GABRA5: variants seen among roughly 807,000 people sequenced by gnomAD.
GABRA5 encodes the protein gamma-aminobutyric acid type A receptor subunit alpha5, also known as gamma-aminobutyric acid receptor subunit alpha-5.
GABRA5 carries 18 observed loss-of-function variants against 47.3 expected under a neutral mutation model. The ratio of observed to expected loss-of-function variants is 0.38; its 90% CI spans 0.26 to 0.56. The LOEUF (loss-of-function observed/expected upper bound fraction) is 0.56, where lower values mean the gene tolerates loss of function less well. Among genes scored for constraint, GABRA5 ranks in the 20% least tolerant of loss-of-function variants. The probability of loss-of-function intolerance (pLI) is 0.71; values close to 1 mark genes in which losing one functional copy is unlikely to be tolerated. For synonymous variants in GABRA5, 237 were observed against 229.3 expected (o/e 1.03, Z -0.30); for missense variants, 365 against 599.3 (o/e 0.61, Z 4.08).
intron 6 of GABRA5, among the ~76,000 whole-genome samples, chr15:26,893,287 T>A: frequency 4.4e-5 from 2 of 45,326 alleles, no homozygotes; most frequent in Non-Finnish European, 1.0e-4. Context: ...GTATGGCATA[T>A]GGCGTGTGTG....
intron 6 of GABRA5, among the ~76,000 whole-genome samples, chr15:26,903,927 T>G (rs1199876810): frequency 6.6e-6 from 1 of 152,166 alleles, no homozygotes; most frequent in East Asian, 1.9e-4. Flanking sequence ...CTGCCTACTC[T>G]GTTGATAGTT....
chr15:26,897,515 T>C (rs1195130025), intron 6 of GABRA5, among the ~76,000 whole-genome samples: 2 of 152,278 alleles, frequency 1.3e-5, no homozygotes, highest in East Asian at 1.9e-4. Flanking sequence ...TACTTTGTAA[T>C]GGCAGCCCCA....
intron 1 of GABRA5, among the ~76,000 whole-genome samples, chr15:26,868,334 G>C (rs1488458885): frequency 6.6e-6 from 1 of 152,152 alleles, no homozygotes; most frequent in African/African-American, 2.4e-5. Flanking sequence ...TCGCTTCCGA[G>C]GTGGAAGTAC....
chr15:26,916,767 C>A (rs2140296471), intron 7 of GABRA5, among the ~76,000 whole-genome samples: 1 of 152,026 alleles, frequency 6.6e-6, no homozygotes, highest in East Asian at 1.9e-4. Context: ...TTGTAGTTTT[C>A]AGTGTATAGA....
At chr15:26,923,547 A>G (rs944334994) in intron 7 of GABRA5, among the ~76,000 whole-genome samples, 1 of 151,422 alleles carries the variant, frequency 6.6e-6, no homozygotes, top group African/African-American at 2.4e-5. Flanking sequence ...CAGAAGTTTG[A>G]CTATGATGTT....
At chr15:26,938,036 G>A (rs1339572926) in intron 8 of GABRA5, among the ~76,000 whole-genome samples, 1 of 152,208 alleles carries the variant, frequency 6.6e-6, no homozygotes, top group Non-Finnish European at 1.5e-5. Context: ...AGGGAGGGAG[G>A]GGGCCCTGAT....
Position 26,883,487 on chromosome 15 carries a change from G to A in GABRA5, c.427G>A (p.Ala143Thr), listed in dbSNP as rs1892790795. ...TFFHNGKKSI[A>T]HNMTTPNKLL... ...CTTCCACAACGGGAAGAAGTCCATCGCTCACAACATGACCACGCCCAACAA... is the reference window on the plus strand; with the variant it reads ...CTTCCACAACGGGAAGAAGTCCATCACTCACAACATGACCACGCCCAACAA... Residue 143 changes from alanine to threonine, a missense_variant, in exon 6 of 11, where the codon GCT becomes ACT. This residue lies in a region of GABRA5 where 216 missense variants were observed against 335.3 expected (regional missense o/e 0.64). Transcript: ENST00000335625. This position sits in a 1 kb window ranked among gnomAD's most constrained non-coding sequence, Gnocchi z 4.8. 6.2e-7 allele frequency: 1 copy of A among 1,614,028 alleles called. No individual in the cohort carries two copies.
At chr15:26,930,402 T>C (rs1566883725) in intron 7 of GABRA5, among the ~76,000 whole-genome samples, 2 of 152,180 alleles carry the variant, frequency 1.3e-5, no homozygotes. Context: ...CTTCAACACT[T>C]TGTTTAGCAT....
rs1894553705 is a variant in GABRA5 at position 26,947,990 on chromosome 15, G to A, written c.1146G>A (p.Met382Ile). The A allele has an allele frequency of 8.8e-6, 14 of 1,597,484 alleles. No homozygotes were observed. Among genetic ancestry groups the A allele is most frequent in the Non-Finnish European group, 1.1e-5 (13 of 1,171,436 alleles). ...KSTNAFTTGK[M>I]SHPPNIPKEQ... Reference sequence around the variant, plus strand: ...CAAACGCTTTTACAACTGGGAAGATGTCTCACCCCCCAAACATTCCGAAGG... The same window carrying A: ...CAAACGCTTTTACAACTGGGAAGATATCTCACCCCCCAAACATTCCGAAGG... Residue 382 changes from methionine (M) to isoleucine (I), a missense_variant, in exon 11 of 11, where the codon ATG (methionine) becomes ATA (isoleucine). By Grantham distance (10) the Met-to-Ile change is conservative. This residue lies in a region of GABRA5 where 106 missense variants were observed against 130.3 expected (regional missense o/e 0.81). Coordinates refer to ENST00000335625, the MANE Select transcript of GABRA5 (RefSeq NM_000810.4).
chr15:26,942,897 A>C (rs1449423831), intron 9 of GABRA5, among the ~76,000 whole-genome samples: 2 of 152,138 alleles, frequency 1.3e-5, no homozygotes, highest in African/African-American at 4.8e-5. Flanking sequence ...CAGCCTGGCC[A>C]ACTTGGCAAA....
chr15:26,939,221 G>A (rs751973661), intron 8 of GABRA5: 57 of 764,652 alleles, frequency 7.5e-5, no homozygotes, highest in Admixed American at 1.5e-4. Context: ...CACAGCTCCC[G>A]ACCTCAGCTC....
Position 26,877,310 on chromosome 15 carries a change from T to C in GABRA5, c.87-3536T>C, listed in dbSNP as rs562245100. 3.9e-4 allele frequency among the ~76,000 whole-genome samples: 60 copies of C among 152,332 alleles called. 1 individual carries two copies. The highest frequency in any genetic ancestry group is 1.1e-3 in the African/African-American group (47 of 41,582). On this transcript the variant is annotated intron_variant, in intron 3 of 10. Coordinates refer to ENST00000335625, the MANE Select transcript of GABRA5 (RefSeq NM_000810.4). The stretch of plus-strand genomic sequence containing the variant: ...TGTTACATTGTTGTTGTTTTTCTAA[T>C]ATGGTGCTTAAGTGATCGGTAATGG...
intron 6 of GABRA5, among the ~76,000 whole-genome samples, chr15:26,884,102 T>A (rs924476029): frequency 1.3e-5 from 2 of 151,934 alleles, no homozygotes; most frequent in Non-Finnish European, 2.9e-5. Context: ...GGTGGTAGGA[T>A]CCCTTGAGAC....
intron 10 of GABRA5, 47 bp from the exon 11 acceptor site, chr15:26,947,887 C>G (rs1894549352): frequency 6.7e-7 from 1 of 1,498,918 alleles, no homozygotes; most frequent in African/African-American, 1.4e-5. Context: ...GTGAGCTGAC[C>G]ATTGCCTGCA....
chr15:26,904,863 A>G (rs1480264070), intron 6 of GABRA5, among the ~76,000 whole-genome samples: 1 of 152,080 alleles, frequency 6.6e-6, no homozygotes, highest in East Asian at 1.9e-4. Flanking sequence ...TTGGGCTGAG[A>G]CTATGGGGTT....
At chr15:26,897,286 C>CAT (rs1893220634) in intron 6 of GABRA5, among the ~76,000 whole-genome samples, 1 of 152,092 alleles carries the variant, frequency 6.6e-6, no homozygotes, top group Non-Finnish European at 1.5e-5. Context: ...GAAGGGCCCT[C>CAT]ATCCAATATA....
At chr15:26,896,964 G>GA (rs1159506658) in intron 6 of GABRA5, among the ~76,000 whole-genome samples, 2 of 66,444 alleles carry the variant, frequency 3.0e-5, no homozygotes, top group Middle Eastern at 7.8e-3. Context: ...CAGATGTAGA[G>GA]AAAAAAATCT....
chr15:26,898,936 A>C (rs1480249346), intron 6 of GABRA5, among the ~76,000 whole-genome samples: 1 of 152,056 alleles, frequency 6.6e-6, no homozygotes, highest in East Asian at 1.9e-4. Flanking sequence ...ACAGGGTGCC[A>C]TCATAGCTCA....
intron 7 of GABRA5, among the ~76,000 whole-genome samples, 196 bp downstream of exon 7, chr15:26,915,081 T>C (rs533077789): frequency 6.6e-6 from 1 of 152,322 alleles, no homozygotes; most frequent in Non-Finnish European, 1.5e-5. Flanking sequence ...CTGCCATACA[T>C]CACAGATTAG....
Sources: allele counts gnomAD v4.1 joint callset (sites outside exome capture counted in the v4.1 genomes callset), GRCh38; gene constraint gnomAD v4.1.1; regional missense constraint gnomAD v4.1.1; non-coding constraint Gnocchi (gnomAD v3.1); transcripts MANE v1.5; gene names NCBI Gene and HGNC (gene_info 2026-07-23, HGNC 2026-07-21).